SEZ6: variants seen among roughly 807,000 people sequenced by gnomAD.
SEZ6 encodes the protein seizure related 6 homolog, also known as seizure protein 6 homolog.
In SEZ6, 53 loss-of-function variants were observed where a neutral mutation model predicts 101.0. The observed-to-expected ratio is 0.52, with a 90% confidence interval of 0.42 to 0.66. The LOEUF (loss-of-function observed/expected upper bound fraction) is 0.66. Among genes scored for constraint, SEZ6 ranks in the 30% least tolerant of loss-of-function variants. The probability of loss-of-function intolerance (pLI) is 0.00; values close to 1 mark genes in which losing one functional copy is unlikely to be tolerated. For synonymous variants in SEZ6, 488 were observed against 512.2 expected (o/e 0.95, Z 0.64); for missense variants, 1,102 against 1,289.4 (o/e 0.85, Z 2.23).
Position 28,960,530 on chromosome 17 carries a change from AGCTGCCCC to A in SEZ6, c.1543_1550del (p.Gly515CysfsTer8). ...CCTCATAGCGCAGGGCCATGCCTGCAGCTGCCCCGCTGCTGTCAGTACTGAGCTCAACA... is the reference window on the plus strand; with the variant it reads ...CCTCATAGCGCAGGGCCATGCCTGCAGCTGCTGTCAGTACTGAGCTCAACA... On this transcript the variant is annotated frameshift_variant, in exon 7 of 17. Transcript: ENST00000317338. LOFTEE classifies it high-confidence loss of function. 6.3e-7 allele frequency: 1 copy of A among 1,593,792 alleles called. No individual in the cohort carries two copies. Among genetic ancestry groups the A allele is most frequent in the Non-Finnish European group, 8.5e-7 (1 of 1,170,700 alleles).
chr17:29,003,211 G>A (rs972072835), intron 1 of SEZ6, among the ~76,000 whole-genome samples: 4 of 152,196 alleles, frequency 2.6e-5, no homozygotes, highest in Admixed American at 6.5e-5. Flanking sequence ...CTCGGCACAC[G>A]CAGCCCCTTC....
chr17:28,977,667 G>C (rs1270127028), intron 3 of SEZ6, among the ~76,000 whole-genome samples: 2 of 152,108 alleles, frequency 1.3e-5, no homozygotes, highest in Admixed American at 6.5e-5. Context: ...CCAGGGCTGG[G>C]CTCAGCCTTG....
At chr17:28,991,918 A>G (rs538724918) in intron 1 of SEZ6, among the ~76,000 whole-genome samples, 1 of 152,190 alleles carries the variant, frequency 6.6e-6, no homozygotes, top group Non-Finnish European at 1.5e-5. Flanking sequence ...TTATGGGTGG[A>G]GGACAGCCAG....
intron 4 of SEZ6, among the ~76,000 whole-genome samples, chr17:28,966,144 C>CA (rs1468891568): frequency 7.1e-6 from 1 of 141,018 alleles, no homozygotes; most frequent in East Asian, 2.2e-4. Context: ...CTCCATGTTC[C>CA]AAAAAATAAA....
intron 1 of SEZ6, among the ~76,000 whole-genome samples, chr17:28,983,649 T>G (rs1226511174): frequency 6.6e-6 from 1 of 151,950 alleles, no homozygotes; most frequent in Non-Finnish European, 1.5e-5. Flanking sequence ...CAAGAAAAGG[T>G]CAATGAATGC....
Position 28,981,963 on chromosome 17 carries a change from T to G in SEZ6, c.132A>C (p.Ala44=). 1 of 1,613,546 alleles carries G rather than the reference T, an allele frequency of 6.2e-7. No homozygotes were observed. Among genetic ancestry groups the G allele is most frequent in the Admixed American group, 1.7e-5 (1 of 60,014 alleles). The change falls in exon 2 of 17, where the codon GCA becomes GCC. Residue 44 remains alanine, a synonymous_variant. Coordinates refer to ENST00000317338, the MANE Select transcript of SEZ6 (RefSeq NM_178860.5). ...GTTCTGGCTGCTCAGGTGTGGGGGC[T>G]GCTGTCAGCTCGCCATCTGTCTCCT... The part of the protein sequence containing the change: ...GIEETDGELT[A]APTPEQPERG...
At chr17:28,988,031 G>A (rs2041406200) in intron 1 of SEZ6, among the ~76,000 whole-genome samples, 1 of 152,178 alleles carries the variant, frequency 6.6e-6, no homozygotes, top group Non-Finnish European at 1.5e-5. Context: ...GATGGGGAAG[G>A]GTGTTCTGGT....
At chr17:28,989,195 T>G (rs2041423975) in intron 1 of SEZ6, among the ~76,000 whole-genome samples, 1 of 152,100 alleles carries the variant, frequency 6.6e-6, no homozygotes, top group Non-Finnish European at 1.5e-5. Context: ...TTTTTGTCAG[T>G]AAAATGGGTC....
chr17:28,965,715 G>T (rs2041056007), intron 4 of SEZ6, among the ~76,000 whole-genome samples: 1 of 152,172 alleles, frequency 6.6e-6, no homozygotes, highest in Non-Finnish European at 1.5e-5. Flanking sequence ...ATGGAAGTTG[G>T]GGAAAGAACA....
At position 29,005,610 on chromosome 17, in the gene SEZ6, C is replaced by A. The variant is rs2041677604; in HGVS notation, c.55+205G>T. 6.6e-6 allele frequency among the ~76,000 whole-genome samples: 1 copy of A among 151,608 alleles called. No homozygotes were observed. The highest frequency in any genetic ancestry group is 2.4e-5 in the African/African-American group (1 of 41,368). On this transcript the variant is annotated intron_variant, in intron 1 of 16. Coordinates refer to ENST00000317338, the MANE Select transcript of SEZ6 (RefSeq NM_178860.5). The surrounding 1 kb of genome is among the most constrained non-coding windows in gnomAD (Gnocchi z 4.8). ...GATTAAAGACGAGGTCTCGGCCGGG[C>A]GCGAATGGCGGGAGCCGCGGCAGCT... is the stretch of plus-strand genomic sequence containing the variant.
At chr17:28,970,704 G>T (rs925501494) in intron 3 of SEZ6, among the ~76,000 whole-genome samples, 1 of 152,202 alleles carries the variant, frequency 6.6e-6, no homozygotes, top group Non-Finnish European at 1.5e-5. Context: ...TCCCTCTACA[G>T]CAGTATTTTC....
At chr17:28,990,315 G>A (rs1273342558) in intron 1 of SEZ6, among the ~76,000 whole-genome samples, 1 of 152,122 alleles carries the variant, frequency 6.6e-6, no homozygotes, top group Non-Finnish European at 1.5e-5. Context: ...CCAGACTGGA[G>A]TGCAGTGGCA....
chr17:28,963,217 AG>A (rs2041013392), intron 5 of SEZ6, among the ~76,000 whole-genome samples: 1 of 151,842 alleles, frequency 6.6e-6, no homozygotes, highest in African/African-American at 2.4e-5. Flanking sequence ...TTTCATTGGC[AG>A]CAATCCCAGA....
intron 1 of SEZ6, among the ~76,000 whole-genome samples, chr17:28,996,747 G>C (rs1221527397): frequency 1.3e-5 from 2 of 152,124 alleles, no homozygotes; most frequent in African/African-American, 4.8e-5. Flanking sequence ...CAGCACAACT[G>C]GGGCTTCCTC....
chr17:28,955,948 C>A lies in SEZ6; in HGVS notation c.*14G>T. The A allele has an allele frequency of 1.9e-6, 3 of 1,611,690 alleles. No individual in the cohort carries two copies. Among genetic ancestry groups the A allele is most frequent in the Non-Finnish European group, 2.5e-6 (3 of 1,178,982 alleles). ...AGTTGACTTCCCTAGACTGCCCCCACCTAGATGGAGACTTCATATTCTCTC... is the reference window on the plus strand; with the variant it reads ...AGTTGACTTCCCTAGACTGCCCCCAACTAGATGGAGACTTCATATTCTCTC... On this transcript the variant is annotated 3_prime_UTR_variant, in exon 17 of 17. Transcript: ENST00000317338.
chr17:28,998,169 C>A (rs1327235897), intron 1 of SEZ6, among the ~76,000 whole-genome samples: 1 of 151,868 alleles, frequency 6.6e-6, no homozygotes, highest in African/African-American at 2.4e-5. Context: ...GAGAAGGGTC[C>A]GCTTTGGTGT....
chr17:28,994,961 C>T (rs917370631), intron 1 of SEZ6, among the ~76,000 whole-genome samples: 1 of 151,756 alleles, frequency 6.6e-6, no homozygotes, highest in African/African-American at 2.4e-5. Context: ...CAAGCTCCAC[C>T]TCCAGGGTTC....
chr17:28,996,324 C>T (rs922796085), intron 1 of SEZ6, among the ~76,000 whole-genome samples: 1 of 152,040 alleles, frequency 6.6e-6, no homozygotes, highest in Non-Finnish European at 1.5e-5. Context: ...ATGAGCTTCT[C>T]CTGCCCCAGG....
At chr17:28,989,731 T>G (rs2152691227) in intron 1 of SEZ6, among the ~76,000 whole-genome samples, 1 of 152,308 alleles carries the variant, frequency 6.6e-6, no homozygotes, top group Middle Eastern at 3.4e-3. Context: ...GTTTATAGTT[T>G]AAATGATAAT....
Sources: gnomAD v4.1 joint callset for allele counts (sites outside exome capture counted in the v4.1 genomes callset) on GRCh38, gnomAD v4.1.1 for gene constraint, Gnocchi (gnomAD v3.1) non-coding constraint, MANE v1.5 for transcripts, NCBI Gene and HGNC (gene_info 2026-07-23, HGNC 2026-07-21) for gene names.